The following XPR1 variants were observed in gnomAD, a reference collection of about 807,000 sequenced individuals.
XPR1 encodes the protein xenotropic and polytropic retrovirus receptor 1.
Under a neutral mutation model 87.5 loss-of-function variants are expected in XPR1, and 28 were observed. That is an observed-to-expected ratio of 0.32 (90% confidence interval 0.24 to 0.44). The LOEUF is 0.44. Among genes scored for constraint, XPR1 ranks in the 20% least tolerant of loss-of-function variants. The pLI is 1.00. For missense variants in XPR1, 559 were observed against 862.3 expected (o/e 0.65, Z 4.41); for synonymous variants, 300 against 306.1 (o/e 0.98, Z 0.21).
intron 2 of XPR1, among the ~76,000 whole-genome samples, chr1:180,718,112 AAAG>A (rs1374017525): frequency 6.6e-6 from 1 of 152,194 alleles, no homozygotes; most frequent in Non-Finnish European, 1.5e-5. Flanking sequence ...TACAGCAAAA[AAAG>A]GTGGTAGTAC....
At chr1:180,731,705 C>G (rs1658560889) in intron 2 of XPR1, among the ~76,000 whole-genome samples, 1 of 152,212 alleles carries the variant, frequency 6.6e-6, no homozygotes, top group South Asian at 2.1e-4. Flanking sequence ...CATTTTAACA[C>G]ATAATCAATA....
intron 2 of XPR1, among the ~76,000 whole-genome samples, chr1:180,701,913 G>T: frequency 8.3e-6 from 1 of 120,084 alleles, no homozygotes; most frequent in Non-Finnish European, 1.7e-5. Flanking sequence ...ATTTTTTGAA[G>T]GGTTTTTTGT....
At chr1:180,783,255 A>G (rs1008642144) in intron 2 of XPR1, among the ~76,000 whole-genome samples, 1 of 151,996 alleles carries the variant, frequency 6.6e-6, no homozygotes, top group African/African-American at 2.4e-5. Flanking sequence ...TGCTGTCTCA[A>G]CAAACAAACA....
intron 2 of XPR1, among the ~76,000 whole-genome samples, chr1:180,732,082 A>AATGC (rs1557979307): frequency 1.2e-4 from 18 of 151,626 alleles, no homozygotes; most frequent in Non-Finnish European, 5.9e-5. Flanking sequence ...AATCCCAGCT[A>AATGC]CTCGGGAGCC....
intron 2 of XPR1, among the ~76,000 whole-genome samples, chr1:180,726,441 G>A (rs187650939): frequency 6.6e-4 from 100 of 152,232 alleles, no homozygotes; most frequent in Non-Finnish European, 7.4e-4. Context: ...GAAGGTCTGC[G>A]GCTTCATTCT....
chr1:180,850,341 C>T (rs1471313582), intron 11 of XPR1, among the ~76,000 whole-genome samples: 1 of 152,148 alleles, frequency 6.6e-6, no homozygotes, highest in East Asian at 1.9e-4. Flanking sequence ...TTCCTTCTCT[C>T]TGTGCCTATC....
chr1:180,682,308 A>G (rs1253710338), intron 1 of XPR1, 52 bp from the exon 2 acceptor site: 1 of 1,404,380 alleles, frequency 7.1e-7, no homozygotes. Flanking sequence ...AGATACATTC[A>G]GTATAAAGCT....
chr1:180,729,404 G>A (rs1658477693), intron 2 of XPR1, among the ~76,000 whole-genome samples: 1 of 152,088 alleles, frequency 6.6e-6, no homozygotes, highest in Admixed American at 6.5e-5. Context: ...GGTAGTTCTG[G>A]GTCATTCCCA....
chr1:180,806,217 A>G lies in XPR1; in HGVS notation c.597+6A>G, dbSNP rs1184505030. On this transcript the variant is annotated splice_donor_region_variant and intron_variant, in intron 5 of 14. Coordinates refer to ENST00000367590, the MANE Select transcript of XPR1 (RefSeq NM_004736.4). Reference sequence around the variant, plus strand: ...AGCTTATCTCTGAAACTGAGGTACAATAATCTCGTTTATTTACAACGTATT... The same window carrying G: ...AGCTTATCTCTGAAACTGAGGTACAGTAATCTCGTTTATTTACAACGTATT... 3.1e-6 allele frequency: 5 copies of G among 1,610,492 alleles called. No individual in the cohort carries two copies. The highest frequency in any genetic ancestry group is 2.2e-5 in the South Asian group (2 of 90,630).
At chr1:180,842,581 ATTT>A (rs1257668035) in intron 11 of XPR1, among the ~76,000 whole-genome samples, 1 of 152,200 alleles carries the variant, frequency 6.6e-6, no homozygotes, top group Admixed American at 6.5e-5. Context: ...ACATGGCTAA[ATTT>A]GAAGGCAATT....
At chr1:180,775,231 C>T (rs1309289224) in intron 2 of XPR1, among the ~76,000 whole-genome samples, 1 of 152,100 alleles carries the variant, frequency 6.6e-6, no homozygotes, top group Non-Finnish European at 1.5e-5. Flanking sequence ...TGGAGTAAGT[C>T]ACCAGAGTAG....
intron 2 of XPR1, among the ~76,000 whole-genome samples, chr1:180,745,087 A>G (rs945882064): frequency 1.3e-5 from 2 of 152,190 alleles, no homozygotes; most frequent in African/African-American, 2.4e-5. Flanking sequence ...GTGACCAGAT[A>G]TGTGTCAGTT....
At chr1:180,762,267 A>G (rs548676936) in intron 2 of XPR1, among the ~76,000 whole-genome samples, 1 of 152,134 alleles carries the variant, frequency 6.6e-6, no homozygotes. Flanking sequence ...AACTTAAAGT[A>G]TAATAATAAT....
chr1:180,817,241 T>C (rs1650441249), intron 7 of XPR1, among the ~76,000 whole-genome samples: 1 of 152,220 alleles, frequency 6.6e-6, no homozygotes, highest in South Asian at 2.1e-4. Context: ...AAAAATTTTT[T>C]AAGTTTATAA....
At chr1:180,697,375 A>G (rs758798857) in intron 2 of XPR1, among the ~76,000 whole-genome samples, 4 of 151,814 alleles carry the variant, frequency 2.6e-5, no homozygotes, top group Non-Finnish European at 4.4e-5. Context: ...TAGTCTGACT[A>G]GTAGTTTATC....
At chr1:180,820,200 G>A (rs1415065439) in intron 7 of XPR1, among the ~76,000 whole-genome samples, 2 of 151,856 alleles carry the variant, frequency 1.3e-5, no homozygotes, top group South Asian at 2.1e-4. Flanking sequence ...TGGCATTCAA[G>A]TACATTCACA....
chr1:180,664,484 T>C (rs1373562277), intron 1 of XPR1, among the ~76,000 whole-genome samples: 1 of 152,186 alleles, frequency 6.6e-6, no homozygotes, highest in African/African-American at 2.4e-5. Flanking sequence ...CCCAGTGTCC[T>C]TTCCTACTGT....
intron 2 of XPR1, among the ~76,000 whole-genome samples, chr1:180,685,421 C>T (rs1656730629): frequency 6.6e-6 from 1 of 152,114 alleles, no homozygotes; most frequent in African/African-American, 2.4e-5. Flanking sequence ...CATCGATGTT[C>T]ATGAAGGATA....
intron 2 of XPR1, among the ~76,000 whole-genome samples, chr1:180,708,909 T>TGGG (rs34223946): frequency 7.2e-4 from 17 of 23,732 alleles, no homozygotes; most frequent in Non-Finnish European, 9.0e-4. Context: ...TTTTTTTTTT[T>TGGG]GGGGGGGGGG....
Sources: allele counts gnomAD v4.1 joint callset (sites outside exome capture counted in the v4.1 genomes callset), GRCh38; gene constraint gnomAD v4.1.1; transcripts MANE v1.5; gene names NCBI Gene and HGNC (gene_info 2026-07-23, HGNC 2026-07-21).